MICAL3: variants seen among roughly 807,000 people sequenced by gnomAD.
The protein encoded by MICAL3 is [F-actin]-monooxygenase MICAL3.
MICAL3 carries 62 observed loss-of-function variants against 207.4 expected under a neutral mutation model. The observed-to-expected ratio is 0.30, with a 90% CI of 0.24 to 0.37. The LOEUF is 0.37. Among genes scored for constraint, MICAL3 ranks in the 10% least tolerant of loss-of-function variants. The pLI is 1.00. For missense variants in MICAL3, 2,368 were observed against 2,635.6 expected, an observed-to-expected ratio of 0.90 and a Z score of 2.22; for synonymous variants, 1,077 against 1,069.3, an observed-to-expected ratio of 1.01 and a Z score of -0.14.
intron 1 of MICAL3, among the ~76,000 whole-genome samples, chr22:17,947,725 C>T (rs892700517): frequency 3.4e-5 from 5 of 147,476 alleles, no homozygotes; most frequent in African/African-American, 5.1e-5. Context: ...CCACCACACC[C>T]GGCTGATATT....
At chr22:17,877,459 GGGAGATTATGGAGGTT>G (rs1928880290) in intron 16 of MICAL3, among the ~76,000 whole-genome samples, 1 of 66,282 alleles carries the variant, frequency 1.5e-5, no homozygotes, top group East Asian at 4.9e-4. Flanking sequence ...ATGGAGGTTA[GGGAGATTATGGAGGTT>G]AGGGAGGTTA....
At chr22:17,914,873 G>GA (rs750882399) in intron 1 of MICAL3, among the ~76,000 whole-genome samples, 1 of 152,176 alleles carries the variant, frequency 6.6e-6, no homozygotes, top group Non-Finnish European at 1.5e-5. Flanking sequence ...CGCCTATGAG[G>GA]AGTCAATGAC....
chr22:17,936,181 G>A (rs1933517821), intron 1 of MICAL3, among the ~76,000 whole-genome samples: 1 of 152,168 alleles, frequency 6.6e-6, no homozygotes, highest in African/African-American at 2.4e-5. Context: ...CAACCCAAAT[G>A]TCCATCAATT....
At chr22:17,961,126 A>G (rs75624113) in intron 1 of MICAL3, among the ~76,000 whole-genome samples, 1 of 152,286 alleles carries the variant, frequency 6.6e-6, no homozygotes, top group East Asian at 1.9e-4. Context: ...AAGTGCCTGC[A>G]AAAATCCAGA....
chr22:18,020,983 T>G (rs1427580679), intron 1 of MICAL3, among the ~76,000 whole-genome samples: 1 of 152,050 alleles, frequency 6.6e-6, no homozygotes, highest in Non-Finnish European at 1.5e-5. Flanking sequence ...CCCACCAAGT[T>G]GATTTCATGA....
intron 1 of MICAL3, chr22:18,005,359 A>T (rs2146496096): frequency 6.6e-6 from 1 of 152,376 alleles, no homozygotes; most frequent in Admixed American, 6.5e-5. Context: ...TACAGCTCAG[A>T]GAGCATGACC....
At chr22:17,986,359 A>C (rs1433190206) in intron 1 of MICAL3, among the ~76,000 whole-genome samples, 1 of 152,164 alleles carries the variant, frequency 6.6e-6, no homozygotes, top group Non-Finnish European at 1.5e-5. Context: ...GTCTCTATTA[A>C]AAATACAAAA....
chr22:17,905,935 AC>A (rs1279872956), intron 2 of MICAL3, among the ~76,000 whole-genome samples: 1 of 152,244 alleles, frequency 6.6e-6, no homozygotes, highest in Non-Finnish European at 1.5e-5. Context: ...GACTTTTGGA[AC>A]ATGGATGGGA....
rs533181095 is a variant in MICAL3 at position 17,796,616 on chromosome 22, C to A, written c.5651-5315G>T. On this transcript the variant is annotated intron_variant, in intron 29 of 31. Transcript: ENST00000441493. The surrounding 1 kb of genome is among the most constrained non-coding windows in gnomAD (Gnocchi z 4.4). ...TCCAGGCAAATGTAACAAATGCTGG[C>A]GTCTCAGGCAGCTCAAGGAAGAGCA... Among the ~76,000 whole-genome samples the A allele has an allele frequency of 6.6e-6, 1 of 152,342 alleles. No individual in the cohort carries two copies. Among genetic ancestry groups the A allele is most frequent in the African/African-American group, 2.4e-5 (1 of 41,580 alleles).
intron 19 of MICAL3, among the ~76,000 whole-genome samples, chr22:17,846,493 A>T (rs1157141242): frequency 6.6e-6 from 1 of 152,158 alleles, no homozygotes. Context: ...TCAGGCGGTG[A>T]TGAGAAACCA....
intron 16 of MICAL3, among the ~76,000 whole-genome samples, chr22:17,883,688 A>G (rs184930003): frequency 4.3e-4 from 66 of 152,330 alleles, no homozygotes; most frequent in African/African-American, 1.4e-3. Flanking sequence ...ACTACTTAGG[A>G]TAAGCAGTTT....
intron 29 of MICAL3, among the ~76,000 whole-genome samples, chr22:17,805,606 T>G (rs577495639): frequency 1.3e-5 from 2 of 152,338 alleles, no homozygotes; most frequent in Admixed American, 6.5e-5. Context: ...CGACAGTGGT[T>G]TTCAAGCCTC....
chr22:17,815,142 G>A (rs1446373980), intron 27 of MICAL3: 1 of 152,358 alleles, frequency 6.6e-6, no homozygotes, highest in Non-Finnish European at 1.5e-5. Context: ...AGGCCTTAGA[G>A]GCCGCCCTCT....
At chr22:17,817,206 C>A in intron 26 of MICAL3, 105 bp downstream of exon 26, 1 of 1,377,698 alleles carries the variant, frequency 7.3e-7, no homozygotes. Flanking sequence ...TCCTGAGAAC[C>A]CTCGGCGGGG....
At chr22:17,837,857 T>G (rs961605115) in intron 20 of MICAL3, among the ~76,000 whole-genome samples, 5 of 152,160 alleles carry the variant, frequency 3.3e-5, no homozygotes, top group African/African-American at 1.2e-4. Flanking sequence ...TACATTTGTT[T>G]TGTTTTGTTT....
chr22:17,910,091 A>G (rs1932014922), intron 1 of MICAL3, among the ~76,000 whole-genome samples: 1 of 152,186 alleles, frequency 6.6e-6, no homozygotes, highest in Non-Finnish European at 1.5e-5. Flanking sequence ...TTTGTTTCTA[A>G]ACAGTAGCCA....
At chr22:17,826,081 T>C (rs2146029761) in intron 22 of MICAL3, among the ~76,000 whole-genome samples, 1 of 152,360 alleles carries the variant, frequency 6.6e-6, no homozygotes, top group East Asian at 1.9e-4. Flanking sequence ...CTTGGTAGGC[T>C]TGTGGAATAT....
chr22:17,888,295 C>T (rs1035393730), intron 13 of MICAL3, among the ~76,000 whole-genome samples: 1 of 151,946 alleles, frequency 6.6e-6, no homozygotes, highest in Non-Finnish European at 1.5e-5. Context: ...ACCCCACAGC[C>T]AACACTCTAG....
intron 3 of MICAL3, among the ~76,000 whole-genome samples, chr22:17,904,197 G>C (rs1461811640): frequency 6.6e-6 from 1 of 152,188 alleles, no homozygotes; most frequent in Non-Finnish European, 1.5e-5. Context: ...ACAGCACTTT[G>C]TTCTTACATT....
Sources: allele counts gnomAD v4.1 joint callset (sites outside exome capture counted in the v4.1 genomes callset), GRCh38; gene constraint gnomAD v4.1.1; non-coding constraint Gnocchi (gnomAD v3.1); transcripts MANE v1.5; gene names NCBI Gene and HGNC (gene_info 2026-07-23, HGNC 2026-07-21).